FBH1: variants seen among roughly 807,000 people sequenced by gnomAD.
FBH1 encodes F-box DNA helicase 1.
A neutral mutation model predicts 115.5 loss-of-function variants in FBH1; 43 were observed. The observed-to-expected ratio is 0.37, with a 90% confidence interval of 0.29 to 0.48. The LOEUF (loss-of-function observed/expected upper bound fraction) is 0.48. Among genes scored for constraint, FBH1 ranks in the 20% least tolerant of loss-of-function variants. The pLI, the probability that FBH1 is intolerant of heterozygous loss-of-function variation, is 0.99. For missense variants in FBH1, 1,001 were observed against 1,337.3 expected (o/e 0.75, Z 3.92); for synonymous variants, 524 against 507.8 (o/e 1.03, Z -0.43).
At chr10:5,890,644 C>CT (rs1051570481) in intron 1 of FBH1, among the ~76,000 whole-genome samples, 1 of 151,472 alleles carries the variant, frequency 6.6e-6, no homozygotes, top group African/African-American at 2.4e-5. Flanking sequence ...GTCCTCGGGG[C>CT]TGAAGGGGCA....
At chr10:5,890,998 C>G (rs141049185) in intron 1 of FBH1, 432 of 207,700 alleles carry the variant, frequency 2.1e-3, no homozygotes, top group Non-Finnish European at 3.1e-3. Context: ...AAACGAGTGC[C>G]GTTTACATTT....
chr10:5,931,900 T>G lies in FBH1; in HGVS notation c.2829+4359T>G, dbSNP rs1832991131. ...GGCTCACCCCTGTAATCCCAGCACT[T>G]TGCGGGGCTGAGGCAGACAGGTCAC... On this transcript the variant is annotated intron_variant, in intron 19 of 20. Transcript: ENST00000362091. The surrounding 1 kb of genome is among the most constrained non-coding windows in gnomAD (Gnocchi z 4.3). Among the ~76,000 whole-genome samples, 1 of 152,186 alleles carries G rather than the reference T, an allele frequency of 6.6e-6. No individual in the cohort carries two copies. Among genetic ancestry groups the G allele is most frequent in the African/African-American group, 2.4e-5 (1 of 41,446 alleles).
At chr10:5,920,503 G>A (rs928899309) in intron 13 of FBH1, among the ~76,000 whole-genome samples, 1 of 152,188 alleles carries the variant, frequency 6.6e-6, no homozygotes, top group African/African-American at 2.4e-5. Context: ...TTCTGTAAAG[G>A]AGATTTGTTT....
chr10:5,917,776 T>G lies in FBH1; in HGVS notation c.1963+100T>G. On this transcript the variant is annotated intron_variant, in intron 12 of 20. Transcript: ENST00000362091. The surrounding 1 kb of genome is among the most constrained non-coding windows in gnomAD (Gnocchi z 5.6). ...TGTGAACTAAGTTGATTATTATTAT[T>G]TGTGATAAAGAAGAGGATCTTCATA... 10 of 946,656 alleles carry G rather than the reference T, an allele frequency of 1.1e-5. No homozygotes were observed. The highest frequency in any genetic ancestry group is 1.6e-5 in the African/African-American group (1 of 61,314). The allele number at this position is 946,656 out of a possible 1,614,324, so 58.6% of individuals were successfully genotyped here.
chr10:5,919,297 C>A, intron 13 of FBH1, among the ~76,000 whole-genome samples: 1 of 152,072 alleles, frequency 6.6e-6, no homozygotes, highest in Non-Finnish European at 1.5e-5. Flanking sequence ...ACCAGCCTGG[C>A]CAACATGGTA....
At chr10:5,928,869 T>C (rs1344025763) in intron 19 of FBH1, among the ~76,000 whole-genome samples, 1 of 152,220 alleles carries the variant, frequency 6.6e-6, no homozygotes, top group Non-Finnish European at 1.5e-5. Context: ...ATAAATACTC[T>C]TTCTTGCTTA....
chr10:5,906,101 C>T lies in FBH1; in HGVS notation c.222C>T (p.Asp74=), dbSNP rs1323532700. The T allele has an allele frequency of 1.2e-6, 2 of 1,614,026 alleles. No individual in the cohort carries two copies. Among genetic ancestry groups the T allele is most frequent in the Admixed American group, 1.7e-5 (1 of 60,002 alleles). ...FLAGKQPCTN[D]MAKSNSVGQD... ...CAGGCAAGCAGCCGTGCACCAATGA[C>T]ATGGCCAAAAGCAATTCTGTTGGCC... Residue 74 remains aspartate (D), a synonymous_variant, in exon 3 of 21, where the codon GAC becomes GAT. Transcript: ENST00000362091. The surrounding 1 kb of genome is among the most constrained non-coding windows in gnomAD (Gnocchi z 7.3).
At chr10:5,920,054 T>A (rs1230370086) in intron 13 of FBH1, among the ~76,000 whole-genome samples, 1 of 152,238 alleles carries the variant, frequency 6.6e-6, no homozygotes, top group African/African-American at 2.4e-5. Flanking sequence ...CAGGAGCCCA[T>A]CCAGGATCCC....
At position 5,906,036 on chromosome 10, in the gene FBH1, G is replaced by T. The variant is rs775094033; in HGVS notation, c.158-1G>T. Reference sequence around the variant, plus strand: ...CCATCCTGTTTGGGTTCTCTCTACAGGTCAGGGAAGTCAAAGATGCATCCC... The same window carrying T: ...CCATCCTGTTTGGGTTCTCTCTACATGTCAGGGAAGTCAAAGATGCATCCC... On this transcript the variant is annotated splice_acceptor_variant, in intron 2 of 20. Transcript: ENST00000362091. LOFTEE classifies it high-confidence loss of function. The surrounding 1 kb of genome is among the most constrained non-coding windows in gnomAD (Gnocchi z 7.3). The T allele has an allele frequency of 6.2e-7, 1 of 1,604,900 alleles. No individual in the cohort carries two copies. Among genetic ancestry groups the T allele is most frequent in the South Asian group, 1.1e-5 (1 of 90,804 alleles).
chr10:5,911,327 C>T lies in FBH1; in HGVS notation c.1211+199C>T, dbSNP rs1831576894. ...AAGGCTGGTAAGAGCGCCTTATGAA[C>T]GTGCAGTTCTGAGCGGCTGCGAGAT... is the stretch of plus-strand genomic sequence containing the variant. On this transcript the variant is annotated intron_variant, in intron 6 of 20. Transcript: ENST00000362091. This position sits in a 1 kb window ranked among gnomAD's most constrained non-coding sequence, Gnocchi z 5.4. 6.6e-6 allele frequency among the ~76,000 whole-genome samples: 1 copy of T among 152,206 alleles called. No individual in the cohort carries two copies. The highest frequency in any genetic ancestry group is 1.5e-5 in the Non-Finnish European group (1 of 68,046).
At position 5,918,759 on chromosome 10, in the gene FBH1, G is replaced by A. The variant is rs938015229; in HGVS notation, c.2100+281G>A. 2.0e-5 allele frequency among the ~76,000 whole-genome samples: 3 copies of A among 152,228 alleles called. No homozygotes were observed. The highest frequency in any genetic ancestry group is 2.9e-5 in the Non-Finnish European group (2 of 68,040). The stretch of plus-strand genomic sequence containing the variant: ...TGCTTAGAACAGTTGTTAGACCAGC[G>A]CTGGTTGTTCAGACTTGTGTATTTG... On this transcript the variant is annotated intron_variant, in intron 13 of 20. Coordinates refer to ENST00000362091, the MANE Select transcript of FBH1 (RefSeq NM_178150.3). The surrounding 1 kb of genome is among the most constrained non-coding windows in gnomAD (Gnocchi z 4.0).
In FBH1 at chr10:5,910,884, G is replaced by GT. The variant is rs1332963577; in HGVS notation, c.1021-53dup. The GT allele has an allele frequency of 8.7e-6, 13 of 1,500,810 alleles. No homozygotes were observed. The highest frequency in any genetic ancestry group is 2.8e-5 in the African/African-American group (2 of 72,542). 93.0% of individuals were successfully genotyped at this position (1,500,810 alleles called of 1,614,324 possible). On this transcript the variant is annotated intron_variant, in intron 5 of 20. Coordinates refer to ENST00000362091, the MANE Select transcript of FBH1 (RefSeq NM_178150.3). This position sits in a 1 kb window ranked among gnomAD's most constrained non-coding sequence, Gnocchi z 4.8. ...TCCTGACTCCTTCCTGCTGTGATTC[G>GT]TATTAACCATGGCCTGTGGGCTGTC...
Position 5,906,577 on chromosome 10 carries a change from A to G in FBH1, c.698A>G (p.Tyr233Cys), listed in dbSNP as rs373039906. The change falls in exon 3 of 21, where the codon TAT (tyrosine) becomes TGT (cysteine). Residue 233 changes from tyrosine to cysteine, a missense_variant. Transcript: ENST00000362091. This position sits in a 1 kb window ranked among gnomAD's most constrained non-coding sequence, Gnocchi z 7.3. ...GCCTTCCTCCCGGTGGAAGACCTCT[A>G]TTGGAACCTGAGCTTGGTGTGCCAC... Reference protein sequence around the residue: ...VFAFLPVEDLYWNLSLVCHLW... With the variant: ...VFAFLPVEDLCWNLSLVCHLW... 23 of 1,613,280 alleles carry G rather than the reference A, an allele frequency of 1.4e-5. No homozygotes were observed. Among genetic ancestry groups the G allele is most frequent in the African/African-American group, 4.0e-5 (3 of 74,868 alleles).
intron 1 of FBH1, among the ~76,000 whole-genome samples, chr10:5,899,609 A>G (rs1281156022): frequency 2.0e-5 from 3 of 152,166 alleles, no homozygotes; most frequent in African/African-American, 4.8e-5. Context: ...TGTTGGATCT[A>G]TAGGGCCTGT....
At position 5,894,483 on chromosome 10, in the gene FBH1, A is replaced by G. The variant is rs779474356; in HGVS notation, c.1+4137A>G. 1.7e-5 allele frequency: 20 copies of G among 1,195,730 alleles called. 1 individual carries two copies. The highest frequency in any genetic ancestry group is 2.4e-5 in the Non-Finnish European group (19 of 798,068). The allele number at this position is 1,195,730 out of a possible 1,614,324, so 74.1% of individuals were successfully genotyped here. On this transcript the variant is annotated intron_variant, in intron 1 of 20. Coordinates refer to ENST00000362091, the MANE Select transcript of FBH1 (RefSeq NM_178150.3). ...AGACCCGGGTTCTTGTGTTGGCACC[A>G]TCACTCATGAGCTACGAGGTGACTT...
upstream of FBH1, chr10:5,889,820 C>T (rs572269472): frequency 2.1e-3 from 330 of 156,256 alleles, 1 homozygote; most frequent in Non-Finnish European, 3.5e-3. Context: ...CCTCGCCCGG[C>T]GCCGTGCAGG....
At position 5,911,459 on chromosome 10, in the gene FBH1, G is replaced by A. The variant is rs2131967349; in HGVS notation, c.1211+331G>A. Among the ~76,000 whole-genome samples, 1 of 152,362 alleles carries A rather than the reference G, an allele frequency of 6.6e-6. No individual in the cohort carries two copies. The highest frequency in any genetic ancestry group is 1.9e-4 in the East Asian group (1 of 5,184). ...CGTGGCCTCGCTTCCCTAGGAAAAT[G>A]TTAGGCTCTACTTCCTCCATATCCC... is the stretch of plus-strand genomic sequence containing the variant. On this transcript the variant is annotated intron_variant, in intron 6 of 20. Transcript: ENST00000362091. This position sits in a 1 kb window ranked among gnomAD's most constrained non-coding sequence, Gnocchi z 5.4.
chr10:5,909,791 C>G lies in FBH1; in HGVS notation c.1020+497C>G, dbSNP rs557187393. Among the ~76,000 whole-genome samples the G allele has an allele frequency of 1.3e-5, 2 of 152,318 alleles. No individual in the cohort carries two copies. The highest frequency in any genetic ancestry group is 6.5e-5 in the Admixed American group (1 of 15,304). ...GGATTCCCAGATTTTATCTTCGAAG[C>G]TACGTGCAACCTCTGCGTGTGTTTT... On this transcript the variant is annotated intron_variant, in intron 5 of 20. Transcript: ENST00000362091. The surrounding 1 kb of genome is among the most constrained non-coding windows in gnomAD (Gnocchi z 4.4).
intron 1 of FBH1, among the ~76,000 whole-genome samples, chr10:5,891,517 C>G (rs1442040073): frequency 6.6e-6 from 1 of 152,232 alleles, no homozygotes; most frequent in African/African-American, 2.4e-5. Flanking sequence ...CTGCCCCTCT[C>G]CCAGTTTCAG....
Sources: gnomAD v4.1 joint callset for allele counts (sites outside exome capture counted in the v4.1 genomes callset) on GRCh38, gnomAD v4.1.1 for gene constraint, Gnocchi (gnomAD v3.1) non-coding constraint, MANE v1.5 for transcripts, NCBI Gene and HGNC (gene_info 2026-07-23, HGNC 2026-07-21) for gene names.